The following SYNPR variants were observed in gnomAD, a reference collection of about 807,000 sequenced individuals.
The protein encoded by SYNPR is synaptoporin.
In SYNPR, 23 loss-of-function variants were observed where a neutral mutation model predicts 32.9. That is an observed-to-expected ratio of 0.70 (90% CI 0.50 to 0.99). The LOEUF (loss-of-function observed/expected upper bound fraction) is 0.99. SYNPR is among the 50% of genes least tolerant of loss of function. The probability of loss-of-function intolerance (pLI) is 0.00; values close to 1 mark genes in which losing one functional copy is unlikely to be tolerated. For synonymous variants in SYNPR, 146 were observed against 135.9 expected (o/e 1.07, Z -0.52); for missense variants, 318 against 349.3 (o/e 0.91, Z 0.71).
At chr3:63,331,685 C>G (rs1183717901) in intron 2 of SYNPR, among the ~76,000 whole-genome samples, 1 of 152,058 alleles carries the variant, frequency 6.6e-6, no homozygotes, top group Non-Finnish European at 1.5e-5. Context: ...GGATGTGAAC[C>G]TGCTATTAGC....
At chr3:63,526,368 G>A (rs767626568) in intron 3 of SYNPR, among the ~76,000 whole-genome samples, 8 of 152,138 alleles carry the variant, frequency 5.3e-5, no homozygotes, top group Non-Finnish European at 1.2e-4. Flanking sequence ...TTGTTTAGCT[G>A]TTCACCTGTT....
At chr3:63,396,590 A>G (rs1162724570) in intron 2 of SYNPR, among the ~76,000 whole-genome samples, 1 of 152,140 alleles carries the variant, frequency 6.6e-6, no homozygotes, top group African/African-American at 2.4e-5. Flanking sequence ...TCTCTGGACT[A>G]TCAGGTCTTT....
intron 4 of SYNPR, among the ~76,000 whole-genome samples, chr3:63,595,768 T>A (rs4405908): frequency 0.16 from 5,856 of 37,352 alleles, 1,052 homozygotes; most frequent in South Asian, 0.39. Flanking sequence ...TATATATATA[T>A]AATTTTATAT....
At chr3:63,434,824 G>T (rs577301947) in intron 2 of SYNPR, among the ~76,000 whole-genome samples, 1 of 152,244 alleles carries the variant, frequency 6.6e-6, no homozygotes, top group Admixed American at 6.5e-5. Flanking sequence ...TGCTATTTTT[G>T]ACTAGAATTA....
At chr3:63,444,687 C>A (rs1289131179) in intron 2 of SYNPR, among the ~76,000 whole-genome samples, 4 of 152,122 alleles carry the variant, frequency 2.6e-5, no homozygotes, top group Non-Finnish European at 5.9e-5. Context: ...GAATGCCTGT[C>A]TGGGAGTGCA....
chr3:63,539,750 C>T (rs1020301921), intron 3 of SYNPR, among the ~76,000 whole-genome samples: 1 of 152,058 alleles, frequency 6.6e-6, no homozygotes, highest in African/African-American at 2.4e-5. Flanking sequence ...AGGGAGCAAG[C>T]CAGTAAAGTT....
intron 2 of SYNPR, among the ~76,000 whole-genome samples, chr3:63,437,034 G>A (rs1700097716): frequency 6.6e-6 from 1 of 151,948 alleles, no homozygotes; most frequent in Non-Finnish European, 1.5e-5. Context: ...CTGCCACCAC[G>A]CCCGGCTAAT....
chr3:63,316,519 C>T (rs374638219), intron 2 of SYNPR, among the ~76,000 whole-genome samples: 12 of 151,874 alleles, frequency 7.9e-5, no homozygotes, highest in African/African-American at 1.4e-4. Context: ...AGTTTATGGG[C>T]GTAAAGGTGT....
At chr3:63,352,867 A>G (rs113432240) in intron 2 of SYNPR, among the ~76,000 whole-genome samples, 20 of 152,260 alleles carry the variant, frequency 1.3e-4, no homozygotes, top group Middle Eastern at 3.4e-3. Context: ...CTTATTCACT[A>G]TCATGAGAAC....
At chr3:63,577,073 C>T (rs1055058443) in intron 4 of SYNPR, among the ~76,000 whole-genome samples, 1 of 151,986 alleles carries the variant, frequency 6.6e-6, no homozygotes, top group Non-Finnish European at 1.5e-5. Flanking sequence ...TAAGGTGTAG[C>T]GATGAAAGGA....
At chr3:63,452,700 GA>G (rs1700401148) in intron 2 of SYNPR, among the ~76,000 whole-genome samples, 1 of 152,138 alleles carries the variant, frequency 6.6e-6, no homozygotes, top group Non-Finnish European at 1.5e-5. Flanking sequence ...TAGAGAGCCT[GA>G]GCCACTAGTC....
chr3:63,443,124 G>T, intron 2 of SYNPR: 1 of 1,133,178 alleles, frequency 8.8e-7, no homozygotes, highest in Non-Finnish European at 1.1e-6. Context: ...AAGTGTGGGA[G>T]CTCACCATGG....
At chr3:63,418,364 T>C (rs1318051767) in intron 2 of SYNPR, among the ~76,000 whole-genome samples, 1 of 152,166 alleles carries the variant, frequency 6.6e-6, no homozygotes, top group Non-Finnish European at 1.5e-5. Context: ...AACAAGTCTC[T>C]AGGAAGTTCC....
At chr3:63,565,346 G>C (rs989619174) in intron 4 of SYNPR, among the ~76,000 whole-genome samples, 3 of 152,144 alleles carry the variant, frequency 2.0e-5, no homozygotes, top group African/African-American at 7.2e-5. Flanking sequence ...AGTTCTGGAG[G>C]CTGGAAAGTC....
chr3:63,333,306 C>T (rs1252472919), intron 2 of SYNPR, among the ~76,000 whole-genome samples: 1 of 150,438 alleles, frequency 6.6e-6, no homozygotes, highest in Non-Finnish European at 1.5e-5. Flanking sequence ...TCTCTGGGGT[C>T]ATCTCCCAGT....
rs2087029845 is a variant in SYNPR, at chr3:63,315,412, CA to C, written c.84+36671del. Among the ~76,000 whole-genome samples, 3 of 152,108 alleles carry C rather than the reference CA, an allele frequency of 2.0e-5. No individual in the cohort carries two copies. In the South Asian group the frequency reaches 6.2e-4, roughly 32 times the overall value. On this transcript the variant is annotated intron_variant, in intron 2 of 5. Coordinates refer to ENST00000478300, the MANE Select transcript of SYNPR (RefSeq NM_001130003.2). ...TGTTTGTGTCATCTATCATTTCTTT[CA>C]GCAGTGTTTTGTGGTTTTCCTTGTA...
intron 5 of SYNPR, among the ~76,000 whole-genome samples, chr3:63,612,184 A>G (rs1700208269): frequency 1.3e-5 from 2 of 152,182 alleles, no homozygotes; most frequent in Admixed American, 1.3e-4. Context: ...TAATTGTACA[A>G]CAGACCTCAA....
intron 2 of SYNPR, among the ~76,000 whole-genome samples, chr3:63,396,331 T>C (rs1256458914): frequency 6.6e-6 from 1 of 152,132 alleles, no homozygotes; most frequent in African/African-American, 2.4e-5. Context: ...TCTGACAAAA[T>C]GAGTTTTGTA....
chr3:63,612,130 G>C (rs1334197452), intron 5 of SYNPR, among the ~76,000 whole-genome samples: 2 of 152,146 alleles, frequency 1.3e-5, no homozygotes, highest in African/African-American at 4.8e-5. Flanking sequence ...TGGGAGCTAA[G>C]GTAAACTCTC....
Sources: gnomAD v4.1 joint callset for allele counts (sites outside exome capture counted in the v4.1 genomes callset) on GRCh38, gnomAD v4.1.1 for gene constraint, MANE v1.5 for transcripts, NCBI Gene and HGNC (gene_info 2026-07-23, HGNC 2026-07-21) for gene names.